CLSTN2: variants seen among roughly 807,000 people sequenced by gnomAD.
CLSTN2 encodes the protein calsyntenin 2, also known as calsyntenin-2.
Under a neutral mutation model 101.2 loss-of-function variants are expected in CLSTN2, and 48 were observed. The observed-to-expected ratio is 0.47, with a 90% confidence interval of 0.38 to 0.60. CLSTN2 has a LOEUF of 0.60. Ranked by LOEUF, CLSTN2 falls within the 20% of genes least tolerant of loss-of-function variation. The probability of loss-of-function intolerance (pLI) is 0.00; values close to 1 mark genes in which losing one functional copy is unlikely to be tolerated. For missense variants in CLSTN2, 1,160 were observed against 1,238.2 expected (o/e 0.94, Z 0.95); for synonymous variants, 481 against 463.6 (o/e 1.04, Z -0.48).
At chr3:140,011,062 C>G (rs773478739) in intron 1 of CLSTN2, among the ~76,000 whole-genome samples, 80 of 152,138 alleles carry the variant, frequency 5.3e-4, no homozygotes, top group Non-Finnish European at 1.3e-4. Flanking sequence ...TCACCATGGT[C>G]AGAGGATAAA....
chr3:140,155,187 A>G (rs1191320847), intron 1 of CLSTN2, among the ~76,000 whole-genome samples: 1 of 152,222 alleles, frequency 6.6e-6, no homozygotes, highest in African/African-American at 2.4e-5. Flanking sequence ...GTGAATGGAT[A>G]GAGGTAAACT....
chr3:140,194,149 C>T (rs1394435590), intron 2 of CLSTN2, among the ~76,000 whole-genome samples: 2 of 152,070 alleles, frequency 1.3e-5, no homozygotes, highest in Non-Finnish European at 2.9e-5. Context: ...GAATACCATA[C>T]CCTAGGTGGC....
intron 2 of CLSTN2, among the ~76,000 whole-genome samples, chr3:140,240,225 TATA>T: frequency 3.8e-5 from 1 of 26,602 alleles, no homozygotes; most frequent in Non-Finnish European, 6.3e-5. Flanking sequence ...CACACACATA[TATA>T]TATATGCATA....
At chr3:140,469,421 C>G (rs549747674) in intron 8 of CLSTN2, among the ~76,000 whole-genome samples, 8 of 152,268 alleles carry the variant, frequency 5.3e-5, no homozygotes, top group South Asian at 4.2e-4. Context: ...CCCAGAGACC[C>G]CTCTTTCTCC....
intron 5 of CLSTN2, among the ~76,000 whole-genome samples, chr3:140,440,473 G>A (rs1270220419): frequency 6.6e-6 from 1 of 152,164 alleles, no homozygotes; most frequent in Non-Finnish European, 1.5e-5. Context: ...GTACCTGTGT[G>A]TAATTGTTTT....
intron 1 of CLSTN2, among the ~76,000 whole-genome samples, chr3:140,117,031 G>A (rs537667316): frequency 5.3e-5 from 8 of 152,208 alleles, no homozygotes; most frequent in South Asian, 2.1e-4. Flanking sequence ...CTGCTGTTCC[G>A]GGCTGGGAGG....
intron 2 of CLSTN2, among the ~76,000 whole-genome samples, chr3:140,243,393 T>C (rs1381056286): frequency 2.6e-5 from 4 of 152,370 alleles, no homozygotes; most frequent in Non-Finnish European, 5.9e-5. Context: ...TAGATCTTTA[T>C]AAAGGGGTCT....
chr3:140,438,569 A>G (rs149773404), intron 5 of CLSTN2, among the ~76,000 whole-genome samples: 3 of 152,218 alleles, frequency 2.0e-5, no homozygotes, highest in African/African-American at 7.2e-5. Flanking sequence ...ATGAAAACCT[A>G]TACCCTTCAA....
At chr3:140,352,226 C>G (rs1308112448) in intron 2 of CLSTN2, among the ~76,000 whole-genome samples, 1 of 152,210 alleles carries the variant, frequency 6.6e-6, no homozygotes, top group Non-Finnish European at 1.5e-5. Context: ...CATTACTATT[C>G]TTTATCAATC....
At chr3:139,996,436 C>T (rs558476127) in intron 1 of CLSTN2, among the ~76,000 whole-genome samples, 14 of 152,292 alleles carry the variant, frequency 9.2e-5, no homozygotes, top group African/African-American at 2.6e-4. Context: ...GTCGCCCAGG[C>T]TGGAGTACAG....
At chr3:140,496,332 T>C (rs1182736988) in intron 8 of CLSTN2, among the ~76,000 whole-genome samples, 2 of 152,236 alleles carry the variant, frequency 1.3e-5, no homozygotes, top group African/African-American at 4.8e-5. Context: ...GAGACTTTGC[T>C]GAAGTTGCTT....
At chr3:140,555,561 G>A (rs1456656853) in intron 10 of CLSTN2, among the ~76,000 whole-genome samples, 2 of 152,110 alleles carry the variant, frequency 1.3e-5, no homozygotes, top group African/African-American at 2.4e-5. Context: ...ATTCAAAAGG[G>A]TAAATACTTT....
intron 8 of CLSTN2, among the ~76,000 whole-genome samples, chr3:140,512,262 AT>A (rs1341059540): frequency 6.6e-6 from 1 of 152,028 alleles, no homozygotes; most frequent in Non-Finnish European, 1.5e-5. Flanking sequence ...TAGGGTTTTT[AT>A]AGTTTTGAGT....
intron 1 of CLSTN2, among the ~76,000 whole-genome samples, chr3:139,982,665 A>G (rs1414348577): frequency 6.6e-6 from 1 of 152,206 alleles, no homozygotes; most frequent in African/African-American, 2.4e-5. Context: ...TGTTGCTGCT[A>G]AAAATCCTCC....
At chr3:140,473,499 G>A (rs984289846) in intron 8 of CLSTN2, among the ~76,000 whole-genome samples, 2 of 152,170 alleles carry the variant, frequency 1.3e-5, no homozygotes, top group South Asian at 2.1e-4. Context: ...TATAAGAGGG[G>A]AGGCAAGAGG....
chr3:139,983,882 C>T (rs1296470141), intron 1 of CLSTN2, among the ~76,000 whole-genome samples: 1 of 152,148 alleles, frequency 6.6e-6, no homozygotes, highest in Admixed American at 6.5e-5. Context: ...GAAATTAAAA[C>T]CCAGTAGTCT....
intron 1 of CLSTN2, among the ~76,000 whole-genome samples, chr3:140,119,291 C>A (rs1339117321): frequency 6.6e-6 from 1 of 152,214 alleles, no homozygotes; most frequent in East Asian, 1.9e-4. Flanking sequence ...TGGTAATGAG[C>A]TCCCGTTGTC....
chr3:140,296,994 A>G (rs945630843), intron 2 of CLSTN2, among the ~76,000 whole-genome samples: 1 of 152,212 alleles, frequency 6.6e-6, no homozygotes, highest in East Asian at 1.9e-4. Context: ...AGACAGACAG[A>G]GGAGTGCTGA....
Position 140,539,864 on chromosome 3 carries a change from G to C in CLSTN2, c.1508-6651G>C, listed in dbSNP as rs758816771. Reference sequence around the variant, plus strand: ...CAAAGCCCTCGCCCCTATGTATACTGCTGGACCACCTCAGCCAAGTAAGGA... The same window carrying C: ...CAAAGCCCTCGCCCCTATGTATACTCCTGGACCACCTCAGCCAAGTAAGGA... On this transcript the variant is annotated intron_variant, in intron 9 of 16. Coordinates refer to ENST00000458420, the MANE Select transcript of CLSTN2 (RefSeq NM_022131.3). Among the ~76,000 whole-genome samples, 7 of 152,312 alleles carry C rather than the reference G, an allele frequency of 4.6e-5. No homozygotes were observed. The East Asian group carries it at 1.4e-3, about 29-fold the overall frequency.
Sources: allele counts gnomAD v4.1 joint callset (sites outside exome capture counted in the v4.1 genomes callset), GRCh38; gene constraint gnomAD v4.1.1; transcripts MANE v1.5; gene names NCBI Gene and HGNC (gene_info 2026-07-23, HGNC 2026-07-21).